Variants in ANKH observed in about 807,000 individuals in gnomAD.
ANKH encodes the protein ANKH inorganic pyrophosphate transport regulator.
A neutral mutation model predicts 49.0 loss-of-function variants in ANKH; 15 were observed. The ratio of observed to expected loss-of-function variants is 0.31; its 90% CI spans 0.20 to 0.47. The LOEUF is 0.47. ANKH is among the 20% of genes least tolerant of loss of function. The pLI is 1.00. For synonymous variants in ANKH, 273 were observed against 260.0 expected (o/e 1.05, Z -0.48); for missense variants, 429 against 652.0 (o/e 0.66, Z 3.72).
intron 8 of ANKH, among the ~76,000 whole-genome samples, chr5:14,732,700 A>T (rs1288939330): frequency 6.6e-6 from 1 of 152,096 alleles, no homozygotes; most frequent in African/African-American, 2.4e-5. Flanking sequence ...TTAAAAGGTG[A>T]GCAATTCTTG....
rs576336333 is a variant in ANKH at position 14,711,383 on chromosome 5, A to T, written c.1366-73T>A. The T allele has an allele frequency of 4.8e-5, 64 of 1,341,270 alleles. No individual in the cohort carries two copies. In the South Asian group the frequency reaches 6.7e-4, roughly 14 times the overall value. The allele number at this position is 1,341,270 out of a possible 1,614,324, so 83.1% of individuals were successfully genotyped here. Reference sequence around the variant, plus strand: ...GCACAGCAGAACCACGAGCAGGGAGACAACACCGGGGTCTTGGGGGACCCC... The same window carrying T: ...GCACAGCAGAACCACGAGCAGGGAGTCAACACCGGGGTCTTGGGGGACCCC... On this transcript the variant is annotated intron_variant, in intron 11 of 11. Coordinates refer to ENST00000284268, the MANE Select transcript of ANKH (RefSeq NM_054027.6).
intron 4 of ANKH, among the ~76,000 whole-genome samples, chr5:14,753,215 AG>A (rs1366401670): frequency 1.3e-5 from 2 of 152,150 alleles, no homozygotes; most frequent in African/African-American, 4.8e-5. Context: ...TGACTCTGTG[AG>A]GTGGGAAATG....
At chr5:14,766,162 T>C (rs1178638546) in intron 2 of ANKH, among the ~76,000 whole-genome samples, 1 of 151,866 alleles carries the variant, frequency 6.6e-6, no homozygotes, top group South Asian at 2.1e-4. Flanking sequence ...GAGGCTCAGG[T>C]AGGCAGATCG....
chr5:14,776,488 C>A (rs375459399), intron 1 of ANKH, among the ~76,000 whole-genome samples: 1 of 152,184 alleles, frequency 6.6e-6, no homozygotes, highest in African/African-American at 2.4e-5. Flanking sequence ...TTTGGCCCCA[C>A]AGCACACTAG....
intron 2 of ANKH, among the ~76,000 whole-genome samples, chr5:14,761,448 G>T (rs1236218108): frequency 6.6e-6 from 1 of 152,112 alleles, no homozygotes; most frequent in African/African-American, 2.4e-5. Context: ...GTAGCGCCCA[G>T]AAATAGAGAT....
chr5:14,772,488 C>T (rs770530440), intron 1 of ANKH, among the ~76,000 whole-genome samples: 8 of 152,120 alleles, frequency 5.3e-5, no homozygotes, highest in Non-Finnish European at 1.2e-4. Flanking sequence ...CCACTAATAA[C>T]GGTGAAAACT....
At chr5:14,779,962 G>A (rs1739755188) in intron 1 of ANKH, among the ~76,000 whole-genome samples, 2 of 152,116 alleles carry the variant, frequency 1.3e-5, no homozygotes, top group Non-Finnish European at 2.9e-5. Flanking sequence ...TTGGGATAGA[G>A]GACAAGCTGT....
chr5:14,799,832 C>T (rs1740516264), intron 1 of ANKH, among the ~76,000 whole-genome samples: 1 of 152,104 alleles, frequency 6.6e-6, no homozygotes, highest in Non-Finnish European at 1.5e-5. Context: ...ATTCTGCGGT[C>T]CACGGATCAA....
At chr5:14,819,467 C>T (rs554269235) in intron 1 of ANKH, among the ~76,000 whole-genome samples, 3 of 152,272 alleles carry the variant, frequency 2.0e-5, no homozygotes, top group East Asian at 3.9e-4. Flanking sequence ...AAAAGTGGTT[C>T]GATAATGTTA....
At chr5:14,727,564 A>ACTC (rs1737861278) in intron 8 of ANKH, among the ~76,000 whole-genome samples, 1 of 151,886 alleles carries the variant, frequency 6.6e-6, no homozygotes, top group African/African-American at 2.4e-5. Flanking sequence ...GGGTTGTCCA[A>ACTC]CTCCTATTCC....
chr5:14,711,829 G>A (rs935515720), intron 11 of ANKH, among the ~76,000 whole-genome samples: 2 of 152,130 alleles, frequency 1.3e-5, no homozygotes, highest in Non-Finnish European at 2.9e-5. Flanking sequence ...ACAATAAATG[G>A]CCTCTCAGGG....
At chr5:14,722,021 G>C (rs955503707) in intron 8 of ANKH, among the ~76,000 whole-genome samples, 1 of 151,044 alleles carries the variant, frequency 6.6e-6, no homozygotes, top group East Asian at 1.9e-4. Flanking sequence ...GCTTCCCCTA[G>C]GCAAAGTACT....
At chr5:14,757,430 A>ATATATATATTTTTTT (rs1379233165) in intron 3 of ANKH, among the ~76,000 whole-genome samples, 1 of 113,818 alleles carries the variant, frequency 8.8e-6, no homozygotes, top group African/African-American at 3.3e-5. Flanking sequence ...ATATATATAT[A>ATATATATATTTTTTT]TTTTTTTTTT....
intron 1 of ANKH, among the ~76,000 whole-genome samples, chr5:14,801,121 C>A (rs954912316): frequency 6.6e-6 from 1 of 152,150 alleles, no homozygotes; most frequent in Non-Finnish European, 1.5e-5. Flanking sequence ...GAACCGAAGC[C>A]GCAATAGCTC....
intron 2 of ANKH, among the ~76,000 whole-genome samples, chr5:14,763,532 G>A (rs1328123328): frequency 6.6e-6 from 1 of 152,176 alleles, no homozygotes. Flanking sequence ...TCCAATGTGG[G>A]GGATAGGGGG....
chr5:14,836,298 T>C (rs1032897651), intron 1 of ANKH, among the ~76,000 whole-genome samples: 5 of 152,062 alleles, frequency 3.3e-5, no homozygotes, highest in African/African-American at 1.2e-4. Flanking sequence ...AAATAAAGGG[T>C]ATTCAATTAG....
chr5:14,870,514 C>G (rs1450019350), intron 1 of ANKH: 1 of 152,468 alleles, frequency 6.6e-6, no homozygotes, highest in African/African-American at 2.4e-5. Context: ...ACCTGCCCAT[C>G]AGGGTGGCAT....
chr5:14,749,402 C>T, intron 5 of ANKH, 96 bp from the exon 6 acceptor site: 4 of 1,337,818 alleles, frequency 3.0e-6, no homozygotes, highest in Non-Finnish European at 4.3e-6. Context: ...ATGTTAATCA[C>T]AAGCCAATTC....
chr5:14,806,501 C>A (rs957160516), intron 1 of ANKH, among the ~76,000 whole-genome samples: 7 of 152,058 alleles, frequency 4.6e-5, no homozygotes, highest in African/African-American at 1.7e-4. Flanking sequence ...GCTATTTTAT[C>A]CCCATTCACA....
Sources: allele counts gnomAD v4.1 joint callset (sites outside exome capture counted in the v4.1 genomes callset), GRCh38; gene constraint gnomAD v4.1.1; transcripts MANE v1.5; gene names NCBI Gene and HGNC (gene_info 2026-07-23, HGNC 2026-07-21).